PCDHGA4: variants seen among roughly 807,000 people sequenced by gnomAD.
The protein encoded by PCDHGA4 is protocadherin gamma-A4.
Under a neutral mutation model 54.6 loss-of-function variants are expected in PCDHGA4, and 38 were observed. The observed-to-expected ratio is 0.70, with a 90% confidence interval of 0.54 to 0.91. The LOEUF (loss-of-function observed/expected upper bound fraction) is 0.91. Among genes scored for constraint, PCDHGA4 ranks in the 40% least tolerant of loss-of-function variants. The pLI, the probability that PCDHGA4 is intolerant of heterozygous loss-of-function variation, is 0.00. For missense variants in PCDHGA4, 1,298 were observed against 1,220.9 expected, an observed-to-expected ratio of 1.06 and a Z score of -0.94; for synonymous variants, 511 against 512.9, an observed-to-expected ratio of 1.00 and a Z score of 0.05.
chr5:141,387,088 C>T (rs2090815090), intron 1 of PCDHGA4, among the ~76,000 whole-genome samples: 2 of 152,074 alleles, frequency 1.3e-5, no homozygotes, highest in Non-Finnish European at 1.5e-5. Context: ...CTGTGATCAT[C>T]GAAATGAGAA....
At chr5:141,509,094 T>C (rs1038935185) in intron 3 of PCDHGA4, among the ~76,000 whole-genome samples, 4 of 152,152 alleles carry the variant, frequency 2.6e-5, no homozygotes, top group African/African-American at 9.7e-5. Context: ...AAATGGGGGC[T>C]GTAGAAACCT....
chr5:141,445,975 G>A (rs1279186740), intron 1 of PCDHGA4, among the ~76,000 whole-genome samples: 1 of 152,124 alleles, frequency 6.6e-6, no homozygotes, highest in Non-Finnish European at 1.5e-5. Flanking sequence ...TGATTTATGA[G>A]GGTTATAAAT....
chr5:141,371,348 G>T (rs1767688523), intron 1 of PCDHGA4: 4 of 1,613,932 alleles, frequency 2.5e-6, no homozygotes, highest in Middle Eastern at 3.3e-4. Flanking sequence ...ACACAATTGG[G>T]GTGGAAGCAA....
intron 1 of PCDHGA4, among the ~76,000 whole-genome samples, chr5:141,464,748 T>A (rs995568259): frequency 2.0e-5 from 3 of 152,190 alleles, no homozygotes; most frequent in Admixed American, 2.0e-4. Flanking sequence ...TATCTTTTTG[T>A]TTTTTTAGAG....
intron 1 of PCDHGA4, among the ~76,000 whole-genome samples, chr5:141,461,985 G>C (rs894777268): frequency 2.6e-5 from 4 of 152,170 alleles, no homozygotes; most frequent in Non-Finnish European, 5.9e-5. Flanking sequence ...CACCACGCCA[G>C]GCTAATTTTG....
At chr5:141,423,034 G>A (rs769232324) in intron 1 of PCDHGA4, 1 of 1,614,200 alleles carries the variant, frequency 6.2e-7, no homozygotes, top group Non-Finnish European at 8.5e-7. Context: ...AGGCCAGAAC[G>A]CCTGGCTGTC....
At chr5:141,453,786 A>G (rs2098774297) in intron 1 of PCDHGA4, among the ~76,000 whole-genome samples, 1 of 152,252 alleles carries the variant, frequency 6.6e-6, no homozygotes, top group Non-Finnish European at 1.5e-5. Flanking sequence ...TTACCATGGT[A>G]TATTAACTTT....
At chr5:141,392,893 G>C in intron 1 of PCDHGA4, 1 of 1,613,780 alleles carries the variant, frequency 6.2e-7, no homozygotes, top group South Asian at 1.1e-5. Flanking sequence ...TGGGAAATCG[G>C]GAGGGGACAG....
intron 1 of PCDHGA4, chr5:141,399,055 GA>G: frequency 7.4e-6 from 12 of 1,613,844 alleles, no homozygotes; most frequent in Non-Finnish European, 1.0e-5. Context: ...AGAGACCAAG[GA>G]ATATTCAATG....
At chr5:141,389,671 C>T in intron 1 of PCDHGA4, 1 of 1,612,458 alleles carries the variant, frequency 6.2e-7, no homozygotes, top group Non-Finnish European at 8.5e-7. Flanking sequence ...GACGCAGACT[C>T]AGGACACAAC....
At chr5:141,362,244 C>G (rs1380837904) in intron 1 of PCDHGA4, 2 of 1,613,944 alleles carry the variant, frequency 1.2e-6, no homozygotes, top group Non-Finnish European at 8.5e-7. Flanking sequence ...CAGTGCTCTT[C>G]TTCCTCGCGG....
At chr5:141,454,697 T>A (rs768850161) in intron 1 of PCDHGA4, among the ~76,000 whole-genome samples, 14 of 150,312 alleles carry the variant, frequency 9.3e-5, no homozygotes, top group African/African-American at 3.4e-4. Flanking sequence ...TGAGCCACCA[T>A]GCTCCACCTG....
chr5:141,440,451 A>G (rs2098179077), intron 1 of PCDHGA4: 1 of 152,230 alleles, frequency 6.6e-6, no homozygotes, highest in Non-Finnish European at 1.5e-5. Flanking sequence ...CATCTCAAAA[A>G]AAATGAACAA....
Position 141,356,106 on chromosome 5 carries a change from A to G in PCDHGA4, c.999A>G (p.Thr333=). Residue 333 remains threonine, a synonymous_variant, in exon 1 of 4, where the codon ACA becomes ACG. Transcript: ENST00000571252. ...FQLNSLSGDI[T]ILGGLDYEDS... ...TGAATTCTCTGAGTGGGGATATAAC[A>G]ATATTGGGGGGTCTAGATTATGAGG... The G allele has an allele frequency of 1.9e-6, 3 of 1,613,884 alleles. No individual in the cohort carries two copies. Among genetic ancestry groups the G allele is most frequent in the Non-Finnish European group, 2.5e-6 (3 of 1,179,874 alleles).
intron 1 of PCDHGA4, chr5:141,373,950 A>G (rs2150030574): frequency 1.2e-6 from 1 of 822,986 alleles, no homozygotes; most frequent in Non-Finnish European, 1.8e-6. Context: ...CTGTGCAGAA[A>G]TTCTGACCTG....
At chr5:141,382,844 C>G (rs749994518) in intron 1 of PCDHGA4, 3 of 1,475,612 alleles carry the variant, frequency 2.0e-6, no homozygotes, top group Non-Finnish European at 2.7e-6. Flanking sequence ...CCGGATACAC[C>G]CGCATTCTGA....
At position 141,476,477 on chromosome 5, in the gene PCDHGA4, G is replaced by A; in HGVS notation, c.2515-18330G>A. 1.2e-6 allele frequency: 2 copies of A among 1,614,078 alleles called. No individual in the cohort carries two copies. Among genetic ancestry groups the A allele is most frequent in the South Asian group, 1.1e-5 (1 of 91,070 alleles). ...GGAGAACCCGCTGGAGCTGTTCAGC[G>A]TGGAAGTGGTGATCCAGGACATCAA... On this transcript the variant is annotated intron_variant, in intron 1 of 3. Transcript: ENST00000571252. This position sits in a 1 kb window ranked among gnomAD's most constrained non-coding sequence, Gnocchi z 7.6.
At position 141,389,190 on chromosome 5, in the gene PCDHGA4, A is replaced by G; in HGVS notation, c.2514+31569A>G. The G allele has an allele frequency of 6.2e-7, 1 of 1,614,034 alleles. No individual in the cohort carries two copies. The highest frequency in any genetic ancestry group is 8.5e-7 in the Non-Finnish European group (1 of 1,179,896). ...GCCTCCCCTCTCCTCCAGTTCCAGC[A>G]TCACCCTGCACATTGGTGATGTAAA... On this transcript the variant is annotated intron_variant, in intron 1 of 3. Coordinates refer to ENST00000571252, the MANE Select transcript of PCDHGA4 (RefSeq NM_018917.4).
At chr5:141,458,264 G>A (rs1489144612) in intron 1 of PCDHGA4, among the ~76,000 whole-genome samples, 3 of 152,092 alleles carry the variant, frequency 2.0e-5, no homozygotes, top group Non-Finnish European at 2.9e-5. Flanking sequence ...GATGAGTGGA[G>A]GAACAACAGG....
Sources: gnomAD v4.1 joint callset for allele counts (sites outside exome capture counted in the v4.1 genomes callset) on GRCh38, gnomAD v4.1.1 for gene constraint, Gnocchi (gnomAD v3.1) non-coding constraint, MANE v1.5 for transcripts, NCBI Gene and HGNC (gene_info 2026-07-23, HGNC 2026-07-21) for gene names.